TMEM132E: variants seen among roughly 807,000 people sequenced by gnomAD.
The protein encoded by TMEM132E is transmembrane protein 132E.
A neutral mutation model predicts 78.5 loss-of-function variants in TMEM132E; 49 were observed. The ratio of observed to expected loss-of-function variants is 0.62; its 90% CI spans 0.50 to 0.79. The LOEUF (loss-of-function observed/expected upper bound fraction) is 0.79. Ranked by LOEUF, TMEM132E falls within the 30% of genes least tolerant of loss-of-function variation. The probability of loss-of-function intolerance (pLI) is 0.00; values close to 1 mark genes in which losing one functional copy is unlikely to be tolerated. For synonymous variants in TMEM132E, 715 were observed against 670.6 expected (o/e 1.07, Z -1.02); for missense variants, 1,403 against 1,470.9 (o/e 0.95, Z 0.75).
chr17:34,625,936 C>G (rs2142078633), intron 1 of TMEM132E, among the ~76,000 whole-genome samples, 191 bp from the exon 2 acceptor site: 1 of 152,292 alleles, frequency 6.6e-6, no homozygotes, highest in Non-Finnish European at 1.5e-5. Context: ...GGGTGCCAGG[C>G]TTGGAGCTCT....
chr17:34,612,379 G>C (rs1421623196), intron 1 of TMEM132E, among the ~76,000 whole-genome samples: 1 of 152,160 alleles, frequency 6.6e-6, no homozygotes, highest in Non-Finnish European at 1.5e-5. Context: ...CTCTGCTGTT[G>C]CTTCACTCTC....
chr17:34,589,409 C>T (rs1567710722), intron 1 of TMEM132E, among the ~76,000 whole-genome samples: 1 of 152,218 alleles, frequency 6.6e-6, no homozygotes, highest in Non-Finnish European at 1.5e-5. Context: ...CACATGCCGG[C>T]TGTTCTCATC....
At chr17:34,612,365 T>C (rs987511087) in intron 1 of TMEM132E, among the ~76,000 whole-genome samples, 2 of 152,202 alleles carry the variant, frequency 1.3e-5, no homozygotes, top group African/African-American at 2.4e-5. Context: ...GGGCTTGGAA[T>C]GTGCTCTGCT....
chr17:34,629,210 C>A lies in TMEM132E; in HGVS notation c.1338+6C>A. 1 of 1,613,304 alleles carries A rather than the reference C, an allele frequency of 6.2e-7. No homozygotes were observed. The highest frequency in any genetic ancestry group is 1.1e-5 in the South Asian group (1 of 90,988). ...CCATCCTGCCCCTGGCCATGGTGAG[C>A]AGGCAGGTGACCAGCCCAGAAGATG... On this transcript the variant is annotated splice_donor_region_variant and intron_variant, in intron 4 of 8. Transcript: ENST00000631683.
chr17:34,633,989 A>C (rs1334275979), intron 6 of TMEM132E, among the ~76,000 whole-genome samples: 1 of 152,248 alleles, frequency 6.6e-6, no homozygotes, highest in Admixed American at 6.5e-5. Context: ...CGTATCTGTA[A>C]AATGGGCACA....
At chr17:34,597,287 T>G (rs1906093003) in intron 1 of TMEM132E, among the ~76,000 whole-genome samples, 1 of 152,100 alleles carries the variant, frequency 6.6e-6, no homozygotes, top group African/African-American at 2.4e-5. Flanking sequence ...ACAGACGGGA[T>G]TCCCTTGGGG....
In TMEM132E at chr17:34,637,542, G is replaced by T. The variant is rs1372295937; in HGVS notation, c.2535G>T (p.Pro845=). 1 of 1,597,600 alleles carries T rather than the reference G, an allele frequency of 6.3e-7. No individual in the cohort carries two copies. The highest frequency in any genetic ancestry group is 1.3e-5 in the African/African-American group (1 of 74,556). ...ACGAGGCCCGGGGAGCTGGCCCGCC[G>T]GGCTCTGCGCTACCCGCACCGGAGG... ...GEDEARGAGP[P]GSALPAPEAP... Residue 845 remains proline (P), a synonymous_variant, in exon 9 of 9, where the codon CCG becomes CCT. Coordinates refer to ENST00000631683, the MANE Select transcript of TMEM132E (RefSeq NM_001304438.2).
Position 34,620,303 on chromosome 17 carries a change from C to T in TMEM132E, c.68-5824C>T, listed in dbSNP as rs73284089. Among the ~76,000 whole-genome samples the T allele has an allele frequency of 3.6e-3, 551 of 152,348 alleles. 3 individuals carry two copies. Among genetic ancestry groups the T allele is most frequent in the African/African-American group, 0.013 (522 of 41,588 alleles). ...TGGAATTGACATTTGTTTCAGCACC[C>T]ACTGTGTTCCACTTGAGTTGGGCAT... is the stretch of plus-strand genomic sequence containing the variant. On this transcript the variant is annotated intron_variant, in intron 1 of 8. Coordinates refer to ENST00000631683, the MANE Select transcript of TMEM132E (RefSeq NM_001304438.2).
chr17:34,628,435 C>A (rs1353338041), intron 2 of TMEM132E, 128 bp from the exon 3 acceptor site: 2 of 1,103,930 alleles, frequency 1.8e-6, no homozygotes, highest in Non-Finnish European at 2.5e-6. Flanking sequence ...TCTGAAACAT[C>A]CAGGACTCGG....
At position 34,597,546 on chromosome 17, in the gene TMEM132E, G is replaced by A. The variant is rs185232122; in HGVS notation, c.67+16403G>A. Among the ~76,000 whole-genome samples, 420 of 152,152 alleles carry A rather than the reference G, an allele frequency of 2.8e-3. 1 individual carries two copies. The highest frequency in any genetic ancestry group is 3.4e-3 in the Middle Eastern group (1 of 294). On this transcript the variant is annotated intron_variant, in intron 1 of 8. Coordinates refer to ENST00000631683, the MANE Select transcript of TMEM132E (RefSeq NM_001304438.2). ...TGGATATGTGTCCTTCTGCAGATGC[G>A]GTCCCTTTGAGGAGGTCCTGTGGCC...
intron 1 of TMEM132E, among the ~76,000 whole-genome samples, chr17:34,615,789 G>T (rs993941403): frequency 4.6e-5 from 7 of 151,996 alleles, no homozygotes; most frequent in Non-Finnish European, 7.4e-5. Context: ...GGTCTTGGAG[G>T]ATCTCTGCCT....
intron 1 of TMEM132E, among the ~76,000 whole-genome samples, chr17:34,602,221 T>C (rs1906264765): frequency 6.6e-6 from 1 of 152,238 alleles, no homozygotes; most frequent in Non-Finnish European, 1.5e-5. Context: ...GGACAGAGTC[T>C]GAAATGAACA....
At chr17:34,604,612 A>T (rs1906350696) in intron 1 of TMEM132E, among the ~76,000 whole-genome samples, 1 of 151,818 alleles carries the variant, frequency 6.6e-6, no homozygotes, top group Non-Finnish European at 1.5e-5. Context: ...GACCATCTGC[A>T]GGCTTCCAGC....
At chr17:34,623,074 C>T (rs1907011031) in intron 1 of TMEM132E, among the ~76,000 whole-genome samples, 1 of 151,984 alleles carries the variant, frequency 6.6e-6, no homozygotes, top group African/African-American at 2.4e-5. Context: ...ATGCAAAGGC[C>T]CTGGGGTAGA....
intron 1 of TMEM132E, among the ~76,000 whole-genome samples, chr17:34,603,507 T>G (rs1010120669): frequency 1.3e-5 from 2 of 152,162 alleles, no homozygotes; most frequent in African/African-American, 4.8e-5. Flanking sequence ...CTCCATGCCA[T>G]TCCAGGGACT....
chr17:34,627,466 T>TCGTGTGCGCGCGCG, intron 2 of TMEM132E, among the ~76,000 whole-genome samples: 1 of 24,986 alleles, frequency 4.0e-5, no homozygotes, highest in African/African-American at 1.3e-4. Flanking sequence ...GCCAAAAGAA[T>TCGTGTGCGCGCGCG]CGTGTGTGTG....
At chr17:34,635,230 A>C in intron 7 of TMEM132E, 143 bp downstream of exon 7, 1 of 985,902 alleles carries the variant, frequency 1.0e-6, no homozygotes, top group Non-Finnish European at 1.5e-6. Flanking sequence ...TTCCAAGGTC[A>C]GGCTCTTTTA....
At chr17:34,622,141 A>C (rs1308208404) in intron 1 of TMEM132E, among the ~76,000 whole-genome samples, 1 of 152,134 alleles carries the variant, frequency 6.6e-6, no homozygotes, top group Admixed American at 6.5e-5. Context: ...GCACATATTT[A>C]GTGTCTCTGA....
rs145402849 is a variant in TMEM132E, at chr17:34,598,084, T to C, written c.67+16941T>C. Reference sequence around the variant, plus strand: ...TACATTACATATAATACATGTATTATATATAATGCATATATGATACTGGTA... The same window carrying C: ...TACATTACATATAATACATGTATTACATATAATGCATATATGATACTGGTA... On this transcript the variant is annotated intron_variant, in intron 1 of 8. Transcript: ENST00000631683. Among the ~76,000 whole-genome samples, 436 of 152,320 alleles carry C rather than the reference T, an allele frequency of 2.9e-3. 2 individuals are homozygous for C. Among genetic ancestry groups the C allele is most frequent in the African/African-American group, 0.01 (421 of 41,552 alleles).
Sources: gnomAD v4.1 joint callset for allele counts (sites outside exome capture counted in the v4.1 genomes callset) on GRCh38, gnomAD v4.1.1 for gene constraint, MANE v1.5 for transcripts, NCBI Gene and HGNC (gene_info 2026-07-23, HGNC 2026-07-21) for gene names.